CAAP1: variants seen among roughly 807,000 people sequenced by gnomAD.
CAAP1 encodes the protein conserved anti-apoptotic protein.
CAAP1 carries 20 observed loss-of-function variants against 34.0 expected under a neutral mutation model. The observed-to-expected ratio is 0.59, with a 90% confidence interval of 0.41 to 0.86. The LOEUF (loss-of-function observed/expected upper bound fraction) is 0.86. CAAP1 is among the 40% of genes least tolerant of loss of function. The pLI is 0.00. For synonymous variants in CAAP1, 213 were observed against 166.7 expected, an observed-to-expected ratio of 1.28 and a Z score of -2.14; for missense variants, 538 against 450.5, an observed-to-expected ratio of 1.19 and a Z score of -1.76.
chr9:26,859,442 T>C (rs1206347078), intron 5 of CAAP1, among the ~76,000 whole-genome samples: 1 of 152,186 alleles, frequency 6.6e-6, no homozygotes. Context: ...TCCTAGGAAC[T>C]GGAAATCAAC....
In CAAP1 at chr9:26,884,410, C is replaced by A. The variant is rs143317437; in HGVS notation, c.665+400G>T. ...CTTCTGTGAAATGAGGCTATTATTG[C>A]CTAATATTAATAAATACATAGATTA... On this transcript the variant is annotated intron_variant, in intron 4 of 5. Transcript: ENST00000333916. Among the ~76,000 whole-genome samples the A allele has an allele frequency of 1.5e-3, 235 of 152,060 alleles. 3 individuals carry two copies. The highest frequency in any genetic ancestry group is 5.4e-3 in the African/African-American group (226 of 41,484).
Position 26,864,367 on chromosome 9 carries a change from TG to T in CAAP1, c.666-3229del, listed in dbSNP as rs573210320. ...AAAATATATTTCTAAATATGGGGGG[TG>T]GGGGTAAATTTCTTGTCCAAATGTA... On this transcript the variant is annotated intron_variant, in intron 4 of 5. Coordinates refer to ENST00000333916, the MANE Select transcript of CAAP1 (RefSeq NM_024828.4). 6.1e-4 allele frequency among the ~76,000 whole-genome samples: 92 copies of T among 152,030 alleles called. 1 individual carries two copies. Among genetic ancestry groups the T allele is most frequent in the African/African-American group, 2.2e-3 (90 of 41,482 alleles).
chr9:26,880,824 C>T (rs1461077938), intron 4 of CAAP1, among the ~76,000 whole-genome samples: 3 of 152,096 alleles, frequency 2.0e-5, no homozygotes, highest in Non-Finnish European at 2.9e-5. Context: ...TACAGGCACA[C>T]ATCACCATGC....
chr9:26,869,486 T>G (rs1268309184), intron 4 of CAAP1, among the ~76,000 whole-genome samples: 4 of 152,204 alleles, frequency 2.6e-5, no homozygotes, highest in Non-Finnish European at 5.9e-5. Context: ...AGTTTTGGCT[T>G]AGTTAAAATG....
At chr9:26,846,333 T>C (rs1032453353) in intron 5 of CAAP1, among the ~76,000 whole-genome samples, 12 of 147,474 alleles carry the variant, frequency 8.1e-5, no homozygotes, top group Non-Finnish European at 1.6e-4. Context: ...AGAGAACTGC[T>C]TGAACCCAGG....
chr9:26,864,154 C>A (rs577796750), intron 4 of CAAP1, among the ~76,000 whole-genome samples: 80 of 152,166 alleles, frequency 5.3e-4, no homozygotes, highest in Admixed American at 1.8e-3. Flanking sequence ...CACAAGAGAG[C>A]CCTATACTTA....
intron 4 of CAAP1, among the ~76,000 whole-genome samples, chr9:26,872,219 C>A (rs1165044063): frequency 6.6e-6 from 1 of 152,124 alleles, no homozygotes; most frequent in African/African-American, 2.4e-5. Flanking sequence ...AAACCTCCTA[C>A]ATTTATGCAC....
intron 4 of CAAP1, 113 bp from the exon 5 acceptor site, chr9:26,861,252 A>G: frequency 1.4e-6 from 1 of 704,726 alleles, no homozygotes. Flanking sequence ...ACATTCTTCT[A>G]AGCTCCCAGG....
At chr9:26,892,356 C>A (rs757156829) in intron 1 of CAAP1, 57 bp downstream of exon 1, 10 of 1,587,046 alleles carry the variant, frequency 6.3e-6, no homozygotes, top group East Asian at 2.3e-5. Flanking sequence ...TCTGGAAGCC[C>A]GACTTCTTCC....
intron 4 of CAAP1, among the ~76,000 whole-genome samples, chr9:26,866,175 T>C (rs1823133598): frequency 2.0e-5 from 3 of 152,138 alleles, no homozygotes; most frequent in African/African-American, 2.4e-5. Context: ...TGGACACTAA[T>C]AAAATGTTTA....
chr9:26,847,198 A>ATATATTTTT (rs1554649570), intron 5 of CAAP1, among the ~76,000 whole-genome samples: 2 of 34,708 alleles, frequency 5.8e-5, no homozygotes, highest in Admixed American at 5.5e-4. Flanking sequence ...AAAAAGCAAT[A>ATATATTTTT]TTTTTTTTTT....
intron 4 of CAAP1, among the ~76,000 whole-genome samples, chr9:26,866,255 T>A (rs147573066): frequency 6.6e-6 from 1 of 152,202 alleles, no homozygotes. Context: ...CATAAGTATA[T>A]GTACTGGGTA....
chr9:26,890,101 G>A (rs978062939), intron 1 of CAAP1, among the ~76,000 whole-genome samples: 1 of 152,062 alleles, frequency 6.6e-6, no homozygotes, highest in Non-Finnish European at 1.5e-5. Flanking sequence ...CAGGCGCGGT[G>A]GCTCACGCCT....
At chr9:26,861,660 A>G (rs910109258) in intron 4 of CAAP1, among the ~76,000 whole-genome samples, 2 of 152,176 alleles carry the variant, frequency 1.3e-5, no homozygotes, top group African/African-American at 4.8e-5. Flanking sequence ...TCAATTCACT[A>G]TGTTCTGGAA....
At chr9:26,850,734 T>C (rs1014508109) in intron 5 of CAAP1, among the ~76,000 whole-genome samples, 3 of 152,242 alleles carry the variant, frequency 2.0e-5, no homozygotes, top group Admixed American at 2.0e-4. Context: ...AGGTGAAACC[T>C]ATGAAGGCAT....
rs1374386457 is a variant in CAAP1, at chr9:26,892,743, A to G, written c.-28T>C. ...TCCCTCTGCTGCAACCATCGGAGGAAAGTCCGCTGTCTCTGGTGCGACCGA... is the reference window on the plus strand; with the variant it reads ...TCCCTCTGCTGCAACCATCGGAGGAGAGTCCGCTGTCTCTGGTGCGACCGA... On this transcript the variant is annotated 5_prime_UTR_variant, in exon 1 of 6. Coordinates refer to ENST00000333916, the MANE Select transcript of CAAP1 (RefSeq NM_024828.4). The G allele has an allele frequency of 1.3e-6, 2 of 1,553,128 alleles. No individual in the cohort carries two copies.
At chr9:26,874,856 T>A (rs1563889404) in intron 4 of CAAP1, among the ~76,000 whole-genome samples, 1 of 152,188 alleles carries the variant, frequency 6.6e-6, no homozygotes, top group Non-Finnish European at 1.5e-5. Flanking sequence ...ATTTGTAAGC[T>A]GAGCTTAGAG....
chr9:26,847,449 C>T (rs1019565539), intron 5 of CAAP1, among the ~76,000 whole-genome samples: 21 of 151,248 alleles, frequency 1.4e-4, no homozygotes, highest in Non-Finnish European at 2.2e-4. Context: ...CTCCTGACCT[C>T]GTGATCCGCC....
At chr9:26,846,373 G>A (rs1012961054) in intron 5 of CAAP1, among the ~76,000 whole-genome samples, 8 of 131,230 alleles carry the variant, frequency 6.1e-5, no homozygotes, top group East Asian at 5.5e-4. Flanking sequence ...CCGAGATTGC[G>A]CCACTGCACT....
Sources: gnomAD v4.1 joint callset for allele counts (sites outside exome capture counted in the v4.1 genomes callset) on GRCh38, gnomAD v4.1.1 for gene constraint, MANE v1.5 for transcripts, NCBI Gene and HGNC (gene_info 2026-07-23, HGNC 2026-07-21) for gene names.